The following PIK3AP1 variants were observed in gnomAD, a reference collection of about 807,000 sequenced individuals.
The protein encoded by PIK3AP1 is phosphoinositide 3-kinase adapter protein 1.
Under a neutral mutation model 88.1 loss-of-function variants are expected in PIK3AP1, and 21 were observed. The ratio of observed to expected loss-of-function variants is 0.24; its 90% CI spans 0.17 to 0.34. The LOEUF is 0.34. Ranked by LOEUF, PIK3AP1 falls within the 10% of genes least tolerant of loss-of-function variation. PIK3AP1 has a pLI of 1.00. For synonymous variants in PIK3AP1, 398 were observed against 400.0 expected (o/e 1.00, Z 0.06); for missense variants, 828 against 1,035.7 (o/e 0.80, Z 2.75).
At chr10:96,612,214 C>G (rs1849123520) in intron 13 of PIK3AP1, among the ~76,000 whole-genome samples, 3 of 152,166 alleles carry the variant, frequency 2.0e-5, no homozygotes, top group African/African-American at 4.8e-5. Flanking sequence ...CCACAGGACA[C>G]ACCCAGAACA....
chr10:96,638,193 AT>A (rs1245648084), intron 8 of PIK3AP1, among the ~76,000 whole-genome samples: 1 of 152,134 alleles, frequency 6.6e-6, no homozygotes, highest in Non-Finnish European at 1.5e-5. Flanking sequence ...TCATGAATGG[AT>A]TAATGTTGCT....
chr10:96,704,435 T>C (rs1235996170), intron 2 of PIK3AP1, among the ~76,000 whole-genome samples: 4 of 152,180 alleles, frequency 2.6e-5, no homozygotes, highest in Admixed American at 2.0e-4. Context: ...ATGCAGAATC[T>C]GGCTGGGTGC....
intron 14 of PIK3AP1, among the ~76,000 whole-genome samples, chr10:96,608,911 T>G (rs1020023591): frequency 6.6e-6 from 1 of 152,196 alleles, no homozygotes; most frequent in Non-Finnish European, 1.5e-5. Context: ...AGCACTGAAA[T>G]GTATGAAAGA....
intron 16 of PIK3AP1, among the ~76,000 whole-genome samples, chr10:96,597,360 CT>C (rs1480766031): frequency 0.11 from 535 of 4,938 alleles, 17 homozygotes; most frequent in African/African-American, 0.14. Flanking sequence ...CCCTCCCTCT[CT>C]CTCTCTCTCT....
rs149463185 is a variant in PIK3AP1, at chr10:96,680,354, T to C, written c.431-23420A>G. On this transcript the variant is annotated intron_variant, in intron 2 of 16. Transcript: ENST00000339364. The stretch of plus-strand genomic sequence containing the variant: ...CAGGGGTACATGTGCAGGTTTGTTA[T>C]ATAAGTAAATGGATGTCATGAGGGT... 3.2e-3 allele frequency among the ~76,000 whole-genome samples: 482 copies of C among 152,256 alleles called. 1 individual carries two copies. The highest frequency in any genetic ancestry group is 5.0e-3 in the Non-Finnish European group (339 of 68,004).
At chr10:96,710,335 C>T (rs1844423422) in intron 1 of PIK3AP1, among the ~76,000 whole-genome samples, 1 of 152,162 alleles carries the variant, frequency 6.6e-6, no homozygotes, top group Non-Finnish European at 1.5e-5. Context: ...GATTCTCCTG[C>T]CTCAGCCTCC....
chr10:96,640,669 TA>T (rs1843372531), intron 8 of PIK3AP1, among the ~76,000 whole-genome samples: 1 of 152,044 alleles, frequency 6.6e-6, no homozygotes, highest in African/African-American at 2.4e-5. Flanking sequence ...CTTTTTTTTT[TA>T]ATTTTTGAGA....
At chr10:96,668,872 G>A (rs920282981) in intron 2 of PIK3AP1, among the ~76,000 whole-genome samples, 3 of 152,192 alleles carry the variant, frequency 2.0e-5, no homozygotes, top group Non-Finnish European at 4.4e-5. Flanking sequence ...GCTCACACCT[G>A]TAATCCCAGC....
chr10:96,613,316 A>G (rs1229955663), intron 13 of PIK3AP1, among the ~76,000 whole-genome samples: 1 of 152,070 alleles, frequency 6.6e-6, no homozygotes, highest in Non-Finnish European at 1.5e-5. Flanking sequence ...TGCACTTAAA[A>G]ATGGTTCAAA....
At chr10:96,698,318 G>A (rs1844248330) in intron 2 of PIK3AP1, among the ~76,000 whole-genome samples, 1 of 151,952 alleles carries the variant, frequency 6.6e-6, no homozygotes, top group Admixed American at 6.6e-5. Flanking sequence ...GGAGTGGGAA[G>A]GAAAAACAAG....
chr10:96,702,338 A>C (rs2134284368), intron 2 of PIK3AP1, among the ~76,000 whole-genome samples: 1 of 152,098 alleles, frequency 6.6e-6, no homozygotes, highest in Non-Finnish European at 1.5e-5. Context: ...ATCTCTACTA[A>C]AAATACAAAA....
At chr10:96,659,283 T>C (rs1422744808) in intron 2 of PIK3AP1, among the ~76,000 whole-genome samples, 1 of 152,164 alleles carries the variant, frequency 6.6e-6, no homozygotes, top group African/African-American at 2.4e-5. Context: ...AAGAAGCTCC[T>C]TGAAACTATT....
chr10:96,606,077 C>T (rs1383899070), intron 14 of PIK3AP1, among the ~76,000 whole-genome samples: 1 of 152,074 alleles, frequency 6.6e-6, no homozygotes, highest in Non-Finnish European at 1.5e-5. Flanking sequence ...AGTGAGACTC[C>T]GTCTCAAAAA....
chr10:96,651,443 A>G (rs1319106438), intron 5 of PIK3AP1, 63 bp from the exon 6 acceptor site: 3 of 1,614,076 alleles, frequency 1.9e-6, no homozygotes, highest in Admixed American at 1.7e-5. Context: ...CGCAGATTCA[A>G]GACTGATAAG....
rs146699244 is a variant in PIK3AP1, at chr10:96,633,798, T to C, written c.1376-5305A>G. On this transcript the variant is annotated intron_variant, in intron 8 of 16. Coordinates refer to ENST00000339364, the MANE Select transcript of PIK3AP1 (RefSeq NM_152309.3). Reference sequence around the variant, plus strand: ...ATTATATTTAGCCTAGTAAAAACTATGCCTACTCAATATATTTATATTTGA... The same window carrying C: ...ATTATATTTAGCCTAGTAAAAACTACGCCTACTCAATATATTTATATTTGA... Among the ~76,000 whole-genome samples the C allele has an allele frequency of 4.4e-3, 677 of 152,348 alleles. 4 individuals are homozygous for C. Among genetic ancestry groups the C allele is most frequent in the African/African-American group, 0.015 (614 of 41,570 alleles).
chr10:96,667,648 T>C (rs1843782882), intron 2 of PIK3AP1, among the ~76,000 whole-genome samples: 1 of 152,010 alleles, frequency 6.6e-6, no homozygotes, highest in Non-Finnish European at 1.5e-5. Flanking sequence ...GAGACCAGGA[T>C]GATTCTAGAG....
intron 8 of PIK3AP1, among the ~76,000 whole-genome samples, chr10:96,642,802 G>C (rs1421695504): frequency 1.3e-5 from 2 of 152,236 alleles, no homozygotes; most frequent in Non-Finnish European, 2.9e-5. Context: ...ATTCCCTGCA[G>C]GTTTCCAGTG....
intron 15 of PIK3AP1, among the ~76,000 whole-genome samples, chr10:96,603,290 A>G (rs1158703371): frequency 6.6e-6 from 1 of 152,188 alleles, no homozygotes; most frequent in East Asian, 1.9e-4. Context: ...CCAAAAAGAA[A>G]CCCTGTGTGA....
chr10:96,659,282 C>T (rs1015390044), intron 2 of PIK3AP1, among the ~76,000 whole-genome samples: 1 of 152,094 alleles, frequency 6.6e-6, no homozygotes, highest in Non-Finnish European at 1.5e-5. Flanking sequence ...AAAGAAGCTC[C>T]TTGAAACTAT....
Sources: allele counts gnomAD v4.1 joint callset (sites outside exome capture counted in the v4.1 genomes callset), GRCh38; gene constraint gnomAD v4.1.1; transcripts MANE v1.5; gene names NCBI Gene and HGNC (gene_info 2026-07-23, HGNC 2026-07-21).